The following CLVS2 variants were observed in gnomAD, a reference collection of about 807,000 sequenced individuals.
The protein encoded by CLVS2 is clavesin 2, also known as clavesin-2.
A neutral mutation model predicts 29.0 loss-of-function variants in CLVS2; 19 were observed. That is an observed-to-expected ratio of 0.66 (90% confidence interval 0.46 to 0.96). The LOEUF is 0.96. Ranked by LOEUF, CLVS2 falls within the 40% of genes least tolerant of loss-of-function variation. The pLI, the probability that CLVS2 is intolerant of heterozygous loss-of-function variation, is 0.00. For synonymous variants in CLVS2, 161 were observed against 151.3 expected (o/e 1.06, Z -0.47); for missense variants, 294 against 404.1 (o/e 0.73, Z 2.34).
chr6:123,035,493 T>C (rs1775141258), intron 3 of CLVS2, among the ~76,000 whole-genome samples: 2 of 152,122 alleles, frequency 1.3e-5, no homozygotes, highest in South Asian at 4.1e-4. Context: ...TATTTTATCT[T>C]CAAAAATCTC....
rs1317889723 is a variant in CLVS2, at chr6:123,072,819, AT to A, written c.*9060del. 2.6e-5 allele frequency: 4 copies of A among 152,108 alleles called. No individual in the cohort carries two copies. The highest frequency in any genetic ancestry group is 9.7e-5 in the African/African-American group (4 of 41,446). 9.4% of individuals were successfully genotyped at this position (152,108 alleles called of 1,614,324 possible). On this transcript the variant is annotated 3_prime_UTR_variant, in exon 6 of 6. Coordinates refer to ENST00000275162, the MANE Select transcript of CLVS2 (RefSeq NM_001010852.4). ...CATTGTTTATTATATTCTGAAAACC[AT>A]TATATTAATATTTTATTTCTTTTTT...
chr6:123,017,479 A>G (rs1004271814), intron 3 of CLVS2, among the ~76,000 whole-genome samples: 6 of 152,128 alleles, frequency 3.9e-5, no homozygotes, highest in Non-Finnish European at 8.8e-5. Flanking sequence ...AGAAACAGTG[A>G]CAAGGGTAGT....
rs1775085596 is a variant in CLVS2 at position 123,031,677 on chromosome 6, G to A, written c.565-16945G>A. 2.0e-5 allele frequency among the ~76,000 whole-genome samples: 3 copies of A among 152,210 alleles called. No individual in the cohort carries two copies. In the South Asian group the frequency reaches 6.2e-4, roughly 32 times the overall value. ...TATCAATTATGCCTCAATAGAGCTG[G>A]GGGAAAAAGAATACAATGATCTTTT... On this transcript the variant is annotated intron_variant, in intron 3 of 5. Transcript: ENST00000275162.
At chr6:123,057,731 C>T (rs1370506398) in intron 5 of CLVS2, among the ~76,000 whole-genome samples, 3 of 152,162 alleles carry the variant, frequency 2.0e-5, no homozygotes, top group East Asian at 3.8e-4. Flanking sequence ...TGCTGCACAA[C>T]TCCTTGGAGA....
In CLVS2 at chr6:123,064,007, A is replaced by T. The variant is rs1310371295; in HGVS notation, c.*246A>T. The T allele has an allele frequency of 3.1e-6, 1 of 327,674 alleles. No homozygotes were observed. Among genetic ancestry groups the T allele is most frequent in the East Asian group, 5.4e-5 (1 of 18,442 alleles). The allele number at this position is 327,674 out of a possible 1,614,324, so 20.3% of individuals were successfully genotyped here. A position where few individuals can be genotyped will look rare whatever the true frequency, so the allele number is the denominator to read the frequency against. ...GTAAATATAATGTAATCTTCATGTC[A>T]AGTTTGTAAATTTCAGTAGTAACTC... is the stretch of plus-strand genomic sequence containing the variant. On this transcript the variant is annotated 3_prime_UTR_variant, in exon 6 of 6. Transcript: ENST00000275162.
intron 3 of CLVS2, among the ~76,000 whole-genome samples, chr6:123,034,120 A>G (rs1775117539): frequency 6.6e-6 from 1 of 152,160 alleles, no homozygotes. Context: ...GTAGGAATAT[A>G]AAATGGTACA....
At position 123,069,497 on chromosome 6, in the gene CLVS2, C is replaced by T. The variant is rs1290273912; in HGVS notation, c.*5736C>T. 6.6e-6 allele frequency: 1 copy of T among 151,662 alleles called. No homozygotes were observed. The highest frequency in any genetic ancestry group is 2.4e-5 in the African/African-American group (1 of 41,340). 9.4% of individuals were successfully genotyped at this position (151,662 alleles called of 1,614,324 possible). On this transcript the variant is annotated 3_prime_UTR_variant, in exon 6 of 6. Transcript: ENST00000275162. Reference sequence around the variant, plus strand: ...GTATAAGAGACTCAATTACATTTACCTAGAACCATCTACAAGTAGACTTCA... The same window carrying T: ...GTATAAGAGACTCAATTACATTTACTTAGAACCATCTACAAGTAGACTTCA...
At position 123,039,952 on chromosome 6, in the gene CLVS2, T is replaced by C. The variant is rs149563875; in HGVS notation, c.565-8670T>C. ...CAGGACTCAGACATTTCACTCCATATGCAAAGTTGATGTCATTGAATCACT... is the reference window on the plus strand; with the variant it reads ...CAGGACTCAGACATTTCACTCCATACGCAAAGTTGATGTCATTGAATCACT... On this transcript the variant is annotated intron_variant, in intron 3 of 5. Coordinates refer to ENST00000275162, the MANE Select transcript of CLVS2 (RefSeq NM_001010852.4). Among the ~76,000 whole-genome samples, 6 of 152,296 alleles carry C rather than the reference T, an allele frequency of 3.9e-5. No homozygotes were observed. In the East Asian group the frequency reaches 1.2e-3, roughly 29 times the overall value.
intron 3 of CLVS2, among the ~76,000 whole-genome samples, chr6:123,017,667 A>G (rs1774857418): frequency 1.3e-5 from 2 of 152,116 alleles, no homozygotes; most frequent in South Asian, 4.1e-4. Flanking sequence ...GGACGTTGTA[A>G]GTCTTTCTTA....
At chr6:123,057,877 C>G (rs146633209) in intron 5 of CLVS2, among the ~76,000 whole-genome samples, 1 of 152,254 alleles carries the variant, frequency 6.6e-6, no homozygotes, top group East Asian at 1.9e-4. Context: ...CTAAGGGGTT[C>G]ATGGATGGGC....
intron 4 of CLVS2, among the ~76,000 whole-genome samples, chr6:123,052,018 A>G (rs1772618276): frequency 1.3e-5 from 2 of 152,242 alleles, no homozygotes; most frequent in Non-Finnish European, 2.9e-5. Flanking sequence ...CTAAAAGAGC[A>G]TCATCATATA....
intron 2 of CLVS2, among the ~76,000 whole-genome samples, chr6:123,007,806 A>T (rs1371502960): frequency 1.3e-5 from 2 of 152,186 alleles, no homozygotes; most frequent in Admixed American, 6.6e-5. Flanking sequence ...ATTATGTGCT[A>T]GTTTTGATTT....
intron 3 of CLVS2, among the ~76,000 whole-genome samples, chr6:123,022,461 G>T (rs1377479933): frequency 6.6e-6 from 1 of 151,864 alleles, no homozygotes; most frequent in Admixed American, 6.6e-5. Flanking sequence ...TAAAAATGAA[G>T]GTCAGTAGCC....
At chr6:123,024,836 A>C (rs1244160029) in intron 3 of CLVS2, among the ~76,000 whole-genome samples, 2 of 152,152 alleles carry the variant, frequency 1.3e-5, no homozygotes, top group African/African-American at 4.8e-5. Flanking sequence ...GGGGACGCCT[A>C]GTACTCAGGA....
chr6:123,059,952 G>A (rs565150720), intron 5 of CLVS2, among the ~76,000 whole-genome samples: 8 of 152,268 alleles, frequency 5.3e-5, no homozygotes, highest in Non-Finnish European at 7.4e-5. Flanking sequence ...TTTGGTGTAC[G>A]TTTGGTATCA....
At chr6:123,057,203 C>T (rs1014473125) in intron 5 of CLVS2, among the ~76,000 whole-genome samples, 3 of 152,180 alleles carry the variant, frequency 2.0e-5, no homozygotes, top group African/African-American at 7.2e-5. Context: ...CCTCACCTAG[C>T]TCAGGGAGGA....
chr6:123,072,369 G>A lies in CLVS2; in HGVS notation c.*8608G>A, dbSNP rs1392372785. 1 of 152,036 alleles carries A rather than the reference G, an allele frequency of 6.6e-6. No individual in the cohort carries two copies. Among genetic ancestry groups the A allele is most frequent in the African/African-American group, 2.4e-5 (1 of 41,424 alleles). 9.4% of individuals were successfully genotyped at this position (152,036 alleles called of 1,614,324 possible). The stretch of plus-strand genomic sequence containing the variant: ...GGGTAGGGGTTTTATTCCTCTTTGT[G>A]TGCTATGTAGGACATTGTTAACCAA... On this transcript the variant is annotated 3_prime_UTR_variant, in exon 6 of 6. Transcript: ENST00000275162.
chr6:123,011,051 G>A lies in CLVS2; in HGVS notation c.456G>A (p.Glu152=), dbSNP rs765323473. ...TAGAAGCCATGATTGAAGATCCTGAGCTTCAAGTGAATGGGTTTGTTTTGA... is the reference window on the plus strand; with the variant it reads ...TAGAAGCCATGATTGAAGATCCTGAACTTCAAGTGAATGGGTTTGTTTTGA... The part of the protein sequence containing the change: ...LSLEAMIEDP[E]LQVNGFVLII... Residue 152 remains glutamate (E), a synonymous_variant, in exon 3 of 6, where the codon GAG becomes GAA. Coordinates refer to ENST00000275162, the MANE Select transcript of CLVS2 (RefSeq NM_001010852.4). The A allele has an allele frequency of 6.2e-7, 1 of 1,610,322 alleles. No individual in the cohort carries two copies. Among genetic ancestry groups the A allele is most frequent in the Admixed American group, 1.7e-5 (1 of 59,634 alleles).
chr6:123,004,791 T>A (rs1008477928), intron 2 of CLVS2, among the ~76,000 whole-genome samples: 1 of 152,086 alleles, frequency 6.6e-6, no homozygotes, highest in Non-Finnish European at 1.5e-5. Context: ...CGGGCGCCTG[T>A]AATCCCAGCT....
Sources: allele counts gnomAD v4.1 joint callset (sites outside exome capture counted in the v4.1 genomes callset), GRCh38; gene constraint gnomAD v4.1.1; transcripts MANE v1.5; gene names NCBI Gene and HGNC (gene_info 2026-07-23, HGNC 2026-07-21).